Variants in SLC16A7 observed in about 807,000 individuals in gnomAD.
The protein encoded by SLC16A7 is monocarboxylate transporter 2.
In SLC16A7, 33 loss-of-function variants were observed where a neutral mutation model predicts 34.9. The ratio of observed to expected loss-of-function variants is 0.94; its 90% CI spans 0.72 to 1.26. The LOEUF is 1.26. Ranked by LOEUF, SLC16A7 falls within the 50% of genes most tolerant of loss-of-function variation. The pLI, the probability that SLC16A7 is intolerant of heterozygous loss-of-function variation, is 0.00. For missense variants in SLC16A7, 573 were observed against 578.1 expected (o/e 0.99, Z 0.09); for synonymous variants, 201 against 206.6 (o/e 0.97, Z 0.23).
intron 3 of SLC16A7, among the ~76,000 whole-genome samples, chr12:59,710,846 C>T (rs1273546318): frequency 2.0e-5 from 3 of 152,104 alleles, no homozygotes; most frequent in South Asian, 2.1e-4. Flanking sequence ...GTATACAAAT[C>T]AGAGGAGAAG....
At chr12:59,633,373 A>G (rs1283535955) in intron 1 of SLC16A7, among the ~76,000 whole-genome samples, 2 of 152,028 alleles carry the variant, frequency 1.3e-5, no homozygotes, top group African/African-American at 4.8e-5. Flanking sequence ...ATATGAGATC[A>G]CAAAGCCACA....
chr12:59,615,888 A>G lies in SLC16A7; in HGVS notation c.-130+19652A>G, dbSNP rs150376542. Among the ~76,000 whole-genome samples the G allele has an allele frequency of 1.1e-3, 172 of 152,296 alleles. 3 individuals carry two copies. The East Asian group carries it at 0.03, about 27-fold the overall frequency. On this transcript the variant is annotated intron_variant, in intron 1 of 5. Transcript: ENST00000547379. ...GTCTGCTGGAACCTGTTTGTTACCT[A>G]TCTTGCACCCTGGCCTGGTTCCTGC...
At chr12:59,679,302 G>GCCT (rs1870561915) in intron 2 of SLC16A7, among the ~76,000 whole-genome samples, 1 of 152,226 alleles carries the variant, frequency 6.6e-6, no homozygotes, top group Admixed American at 6.5e-5. Context: ...TGGGACTTCC[G>GCCT]CCTATTCCCG....
chr12:59,721,861 T>C (rs1200843329), intron 3 of SLC16A7, among the ~76,000 whole-genome samples: 2 of 151,994 alleles, frequency 1.3e-5, no homozygotes, highest in Non-Finnish European at 2.9e-5. Flanking sequence ...ATATTACACT[T>C]AAATATTTTC....
intron 1 of SLC16A7, among the ~76,000 whole-genome samples, chr12:59,646,520 C>T (rs914131762): frequency 6.6e-6 from 1 of 152,192 alleles, no homozygotes; most frequent in African/African-American, 2.4e-5. Context: ...TGTCCAGGCA[C>T]AAGTCTGCTG....
intron 3 of SLC16A7, among the ~76,000 whole-genome samples, chr12:59,724,660 A>C (rs752200689): frequency 3.3e-5 from 5 of 152,050 alleles, no homozygotes; most frequent in Non-Finnish European, 7.4e-5. Context: ...TGCATAAAAG[A>C]AAAGGGCTAG....
rs533600105 is a variant in SLC16A7, at chr12:59,699,778, A to G, written c.-30-4994A>G. Among the ~76,000 whole-genome samples the G allele has an allele frequency of 3.3e-5, 5 of 151,930 alleles. No homozygotes were observed. In the East Asian group the frequency reaches 5.8e-4, roughly 18 times the overall value. ...ATTTGTGATTCACAGCACTTTTGCAATCATTTGCTGACATGCACAGAACAG... is the reference window on the plus strand; with the variant it reads ...ATTTGTGATTCACAGCACTTTTGCAGTCATTTGCTGACATGCACAGAACAG... On this transcript the variant is annotated intron_variant, in intron 2 of 5. Coordinates refer to ENST00000547379, the MANE Select transcript of SLC16A7 (RefSeq NM_001270623.2).
intron 3 of SLC16A7, chr12:59,761,063 C>A: frequency 1.5e-6 from 1 of 673,338 alleles, no homozygotes; most frequent in Non-Finnish European, 2.3e-6. Flanking sequence ...TTTAAAAAAT[C>A]ACGTCTTGAC....
At chr12:59,751,613 G>C (rs899223324) in intron 3 of SLC16A7, among the ~76,000 whole-genome samples, 2 of 152,216 alleles carry the variant, frequency 1.3e-5, no homozygotes, top group Non-Finnish European at 2.9e-5. Context: ...GCTCCAACTG[G>C]GTGGAGCCCA....
At chr12:59,691,807 G>T (rs935671440) in intron 2 of SLC16A7, among the ~76,000 whole-genome samples, 10 of 151,796 alleles carry the variant, frequency 6.6e-5, no homozygotes, top group African/African-American at 1.9e-4. Flanking sequence ...ATTTTCTAAT[G>T]ACTTTCAGTT....
At chr12:59,648,413 G>A (rs1017506671) in intron 1 of SLC16A7, among the ~76,000 whole-genome samples, 1 of 152,154 alleles carries the variant, frequency 6.6e-6, no homozygotes, top group African/African-American at 2.4e-5. Context: ...TATTTATTGA[G>A]TACATATGAT....
rs927607417 is a variant in SLC16A7, at chr12:59,700,847, C to T, written c.-30-3925C>T. Reference sequence around the variant, plus strand: ...TTTAGAGAAACTCTGGAGGATTTCACATTCAGCCCCAACTATGACTTATTG... The same window carrying T: ...TTTAGAGAAACTCTGGAGGATTTCATATTCAGCCCCAACTATGACTTATTG... On this transcript the variant is annotated intron_variant, in intron 2 of 5. Transcript: ENST00000547379. Among the ~76,000 whole-genome samples the T allele has an allele frequency of 4.0e-5, 6 of 151,668 alleles. No individual in the cohort carries two copies. The East Asian group carries it at 1.2e-3, about 29-fold the overall frequency.
intron 3 of SLC16A7, among the ~76,000 whole-genome samples, chr12:59,760,168 C>T (rs752030632): frequency 2.0e-5 from 3 of 152,002 alleles, no homozygotes; most frequent in Non-Finnish European, 2.9e-5. Context: ...ATGTAGAGTG[C>T]AGACAAAAAG....
intron 3 of SLC16A7, among the ~76,000 whole-genome samples, chr12:59,749,871 G>C (rs910099088): frequency 6.6e-6 from 1 of 152,162 alleles, no homozygotes; most frequent in Non-Finnish European, 1.5e-5. Context: ...TCACACCAGA[G>C]TAATTAGTAG....
chr12:59,775,230 G>A lies in SLC16A7; in HGVS notation c.935G>A (p.Arg312Gln), dbSNP rs752116486. The A allele has an allele frequency of 6.2e-6, 10 of 1,613,948 alleles. No homozygotes were observed. Among genetic ancestry groups the A allele is most frequent in the African/African-American group, 4.0e-5 (3 of 74,904 alleles). Residue 312 changes from arginine (R) to glutamine (Q), a missense_variant, in exon 5 of 6, where the codon CGA becomes CAA. By Grantham distance (43) the Arg-to-Gln change is conservative (BLOSUM62 1). Transcript: ENST00000547379. ...LIANSKYIRP[R>Q]IQYFFSFAIM... is the part of the protein sequence containing the mutation. The stretch of plus-strand genomic sequence containing the variant: ...GCAAACTCCAAATATATTCGACCTC[G>A]AATTCAGTACTTCTTCAGTTTTGCA...
At chr12:59,757,159 T>C (rs1411475426) in intron 3 of SLC16A7, among the ~76,000 whole-genome samples, 1 of 150,502 alleles carries the variant, frequency 6.6e-6, no homozygotes, top group African/African-American at 2.5e-5. Context: ...TAATTCTAAA[T>C]GACGAGTTAA....
intron 2 of SLC16A7, among the ~76,000 whole-genome samples, chr12:59,686,351 T>C (rs545937185): frequency 6.6e-6 from 1 of 152,200 alleles, no homozygotes; most frequent in East Asian, 1.9e-4. Context: ...CTGTGTTTTT[T>C]ACAAATAAAG....
At chr12:59,736,573 T>C (rs1198119755) in intron 3 of SLC16A7, among the ~76,000 whole-genome samples, 1 of 152,096 alleles carries the variant, frequency 6.6e-6, no homozygotes, top group Non-Finnish European at 1.5e-5. Context: ...AGATGCTGTA[T>C]TTCCCACCAC....
intron 3 of SLC16A7, among the ~76,000 whole-genome samples, chr12:59,746,735 C>T (rs1234476963): frequency 6.6e-6 from 1 of 152,154 alleles, no homozygotes; most frequent in Non-Finnish European, 1.5e-5. Context: ...GTAACAGCAA[C>T]ATAATTAAGA....
Sources: allele counts gnomAD v4.1 joint callset (sites outside exome capture counted in the v4.1 genomes callset), GRCh38; gene constraint gnomAD v4.1.1; transcripts MANE v1.5; gene names NCBI Gene and HGNC (gene_info 2026-07-23, HGNC 2026-07-21).